The following COL24A1 variants were observed in gnomAD, a reference collection of about 807,000 sequenced individuals.
COL24A1 encodes collagen alpha-1(XXIV) chain.
COL24A1 carries 224 observed loss-of-function variants against 253.9 expected under a neutral mutation model. That is an observed-to-expected ratio of 0.88 (90% CI 0.79 to 0.99). COL24A1 has a LOEUF of 0.99. Ranked by LOEUF, COL24A1 falls within the 50% of genes least tolerant of loss-of-function variation. The pLI, the probability that COL24A1 is intolerant of heterozygous loss-of-function variation, is 0.00. For synonymous variants in COL24A1, 685 were observed against 673.7 expected (o/e 1.02, Z -0.26); for missense variants, 2,131 against 2,068.5 (o/e 1.03, Z -0.59).
At position 85,996,496 on chromosome 1, in the gene COL24A1, C is replaced by CGAAACCCCGTCTCTGCTAAAAATACA. The variant is rs1553253949; in HGVS notation, c.2311-8843_2311-8842insTGTATTTTTAGCAGAGACGGGGTTTC. Among the ~76,000 whole-genome samples the CGAAACCCCGTCTCTGCTAAAAATACA allele has an allele frequency of 2.0e-4, 30 of 150,568 alleles. 1 individual carries two copies. The highest frequency in any genetic ancestry group is 4.3e-4 in the South Asian group (2 of 4,668). ...TTTGAGACCAGCCTGACCAACATGG[C>CGAAACCCCGTCTCTGCTAAAAATACA]ATGGTGGTGGGTTCCTGAAATCCCA... On this transcript the variant is annotated intron_variant, in intron 19 of 59. Coordinates refer to ENST00000370571, the MANE Select transcript of COL24A1 (RefSeq NM_152890.7).
intron 47 of COL24A1, among the ~76,000 whole-genome samples, chr1:85,802,361 C>G (rs1671520859): frequency 6.6e-6 from 1 of 152,068 alleles, no homozygotes; most frequent in East Asian, 1.9e-4. Flanking sequence ...CCGTACTGGT[C>G]TTTTTTTGAT....
chr1:86,138,535 T>G (rs1041660377), intron 2 of COL24A1, among the ~76,000 whole-genome samples: 3 of 152,094 alleles, frequency 2.0e-5, no homozygotes, highest in Non-Finnish European at 4.4e-5. Flanking sequence ...ATCTGATGGT[T>G]TTTTAAGGGG....
chr1:85,739,272 G>T (rs536575009), intron 57 of COL24A1, among the ~76,000 whole-genome samples: 10 of 152,042 alleles, frequency 6.6e-5, no homozygotes, highest in Non-Finnish European at 1.0e-4. Context: ...TTTATAAAAG[G>T]TTTTCCATCA....
At chr1:86,045,935 G>A in intron 12 of COL24A1, 1 of 385,422 alleles carries the variant, frequency 2.6e-6, no homozygotes, top group Admixed American at 3.1e-5. Context: ...AAAGGATTCT[G>A]GATTTAGATT....
intron 57 of COL24A1, among the ~76,000 whole-genome samples, chr1:85,743,442 T>C (rs1211983544): frequency 6.6e-6 from 1 of 152,184 alleles, no homozygotes; most frequent in Non-Finnish European, 1.5e-5. Flanking sequence ...TATCTGATCA[T>C]TCTATTTAAA....
chr1:86,021,680 C>T (rs1697551666), intron 18 of COL24A1, among the ~76,000 whole-genome samples: 1 of 151,950 alleles, frequency 6.6e-6, no homozygotes, highest in African/African-American at 2.4e-5. Context: ...TATATTTTCT[C>T]AAGTTTTAAC....
At chr1:85,768,675 C>T (rs1379193229) in intron 53 of COL24A1, among the ~76,000 whole-genome samples, 1 of 152,040 alleles carries the variant, frequency 6.6e-6, no homozygotes, top group Admixed American at 6.6e-5. Context: ...TTCTAATTCC[C>T]TACTCAGTGC....
chr1:85,876,593 C>T (rs893332812), intron 33 of COL24A1, among the ~76,000 whole-genome samples: 4 of 151,870 alleles, frequency 2.6e-5, no homozygotes, highest in Admixed American at 2.0e-4. Context: ...ATCACTAAGC[C>T]AAGGAAGTAA....
intron 19 of COL24A1, among the ~76,000 whole-genome samples, chr1:86,004,642 G>T (rs1372878387): frequency 6.6e-6 from 1 of 152,134 alleles, no homozygotes; most frequent in Non-Finnish European, 1.5e-5. Flanking sequence ...GTGGAAGCAG[G>T]TATGGTCCTA....
chr1:85,997,421 G>A (rs1694933889), intron 19 of COL24A1, among the ~76,000 whole-genome samples: 1 of 151,960 alleles, frequency 6.6e-6, no homozygotes, highest in African/African-American at 2.4e-5. Context: ...CAGTTTCCAG[G>A]GGTGGGAAAA....
chr1:86,076,742 A>G (rs541054189), intron 7 of COL24A1, among the ~76,000 whole-genome samples: 2 of 152,336 alleles, frequency 1.3e-5, no homozygotes, highest in South Asian at 4.1e-4. Flanking sequence ...AGCAATGGGG[A>G]AAAGATTCCC....
At chr1:86,124,203 T>C (rs1371824868) in intron 3 of COL24A1, among the ~76,000 whole-genome samples, 1 of 110,292 alleles carries the variant, frequency 9.1e-6, no homozygotes, top group Non-Finnish European at 1.9e-5. Context: ...GTTTACATGA[T>C]ATTAAACAAG....
At chr1:85,990,906 C>A (rs1035911683) in intron 19 of COL24A1, among the ~76,000 whole-genome samples, 4 of 152,216 alleles carry the variant, frequency 2.6e-5, no homozygotes, top group Admixed American at 6.5e-5. Context: ...TTTGTTCTGC[C>A]TTAGTGTACC....
intron 39 of COL24A1, among the ~76,000 whole-genome samples, chr1:85,844,848 T>G (rs1052191005): frequency 6.6e-6 from 1 of 151,982 alleles, no homozygotes; most frequent in African/African-American, 2.4e-5. Context: ...TCAGATTGTT[T>G]TAATAGCAAG....
intron 24 of COL24A1, among the ~76,000 whole-genome samples, chr1:85,915,133 A>C (rs1159688084): frequency 6.6e-6 from 1 of 152,252 alleles, no homozygotes; most frequent in African/African-American, 2.4e-5. Flanking sequence ...GTGGGTGGGC[A>C]CTGTCCAATC....
intron 29 of COL24A1, 108 bp downstream of exon 29, chr1:85,896,248 A>C: frequency 8.0e-7 from 1 of 1,253,314 alleles, no homozygotes; most frequent in Admixed American, 2.2e-5. Flanking sequence ...ACAAAGAGAA[A>C]ACTTAGAACC....
chr1:86,090,573 C>T (rs1703422213), intron 6 of COL24A1, among the ~76,000 whole-genome samples: 1 of 152,152 alleles, frequency 6.6e-6, no homozygotes, highest in African/African-American at 2.4e-5. Flanking sequence ...TGCCCACCCC[C>T]TTCTACTTCC....
chr1:86,045,539 T>G (rs538843204), intron 12 of COL24A1, among the ~76,000 whole-genome samples: 128 of 152,136 alleles, frequency 8.4e-4, no homozygotes, highest in African/African-American at 2.8e-3. Context: ...TGTTGGGATA[T>G]GTGTATGAGA....
chr1:85,796,972 G>A (rs1370207424), intron 47 of COL24A1, among the ~76,000 whole-genome samples: 2 of 151,784 alleles, frequency 1.3e-5, no homozygotes, highest in East Asian at 1.9e-4. Context: ...AGGCTGAGGC[G>A]GGTGGATCAT....
Sources: gnomAD v4.1 joint callset for allele counts (sites outside exome capture counted in the v4.1 genomes callset) on GRCh38, gnomAD v4.1.1 for gene constraint, MANE v1.5 for transcripts, NCBI Gene and HGNC (gene_info 2026-07-23, HGNC 2026-07-21) for gene names.